Variants in ROBO3 observed in about 807,000 individuals in gnomAD.
The protein encoded by ROBO3 is roundabout homolog 3.
A neutral mutation model predicts 160.5 loss-of-function variants in ROBO3; 97 were observed. The observed-to-expected ratio is 0.60, with a 90% CI of 0.51 to 0.72. The LOEUF (loss-of-function observed/expected upper bound fraction) is 0.72. Ranked by LOEUF, ROBO3 falls within the 30% of genes least tolerant of loss-of-function variation. The pLI is 0.00. For synonymous variants in ROBO3, 780 were observed against 746.2 expected (o/e 1.05, Z -0.74); for missense variants, 1,858 against 1,846.5 (o/e 1.01, Z -0.11).
chr11:124,879,991 GACTGT>G lies in ROBO3; in HGVS notation c.3958+44_3958+48del, dbSNP rs1565316799. 3 of 1,504,110 alleles carry G rather than the reference GACTGT, an allele frequency of 2.0e-6. No homozygotes were observed. The Admixed American group carries it at 6.5e-5, about 32-fold the overall frequency. The allele number at this position is 1,504,110 out of a possible 1,614,324, so 93.2% of individuals were successfully genotyped here. On this transcript the variant is annotated intron_variant, in intron 26 of 27. Transcript: ENST00000397801. ...AGGCAGGAGGGCTGCTGCCACAGGA[GACTGT>G]GGGCTTTGGGACTGGGGGCTGATAG...
Position 124,869,967 on chromosome 11 carries a change from T to C in ROBO3, c.665T>C (p.Met222Thr). 1.2e-6 allele frequency: 2 copies of C among 1,611,186 alleles called. No homozygotes were observed. Among genetic ancestry groups the C allele is most frequent in the Non-Finnish European group, 1.7e-6 (2 of 1,178,622 alleles). ...GRITIRGGKLMMSHTLKSDAG... is the reference protein window; with the variant it reads ...GRITIRGGKLTMSHTLKSDAG... ...CTGCAGATCCGTGGAGGGAAGCTGA[T>C]GATGTCACATACACTCAAGAGCGAT... Residue 222 changes from methionine to threonine, a missense_variant, in exon 4 of 28, where the codon ATG becomes ACG. Met to Thr is a moderately conservative substitution (Grantham distance 81). Transcript: ENST00000397801. The surrounding 1 kb of genome is among the most constrained non-coding windows in gnomAD (Gnocchi z 4.2).
Position 124,873,646 on chromosome 11 carries a change from T to C in ROBO3, c.1619-51T>C. The C allele has an allele frequency of 6.6e-7, 1 of 1,523,362 alleles. No homozygotes were observed. The highest frequency in any genetic ancestry group is 8.9e-7 in the Non-Finnish European group (1 of 1,122,576). 94.4% of individuals were successfully genotyped at this position (1,523,362 alleles called of 1,614,324 possible). On this transcript the variant is annotated intron_variant, in intron 10 of 27. Coordinates refer to ENST00000397801, the MANE Select transcript of ROBO3 (RefSeq NM_022370.4). This position sits in a 1 kb window ranked among gnomAD's most constrained non-coding sequence, Gnocchi z 4.5. ...CCCCTGGTAAGGAGACAGGTTACAC[T>C]AGGATTATCCTTTCCCTATCTTTCT... is the stretch of plus-strand genomic sequence containing the variant.
intron 1 of ROBO3, among the ~76,000 whole-genome samples, chr11:124,867,609 G>A (rs896393773): frequency 6.6e-6 from 1 of 152,140 alleles, no homozygotes; most frequent in Admixed American, 6.5e-5. Flanking sequence ...GACAGAAATC[G>A]ATCTTCTTGA....
rs1194362259 is a variant in ROBO3 at position 124,878,707 on chromosome 11, T to C, written c.3444T>C (p.Tyr1148=). Residue 1148 remains tyrosine (Y), a synonymous_variant, in exon 23 of 28, where the codon TAT becomes TAC. Coordinates refer to ENST00000397801, the MANE Select transcript of ROBO3 (RefSeq NM_022370.4). The surrounding 1 kb of genome is among the most constrained non-coding windows in gnomAD (Gnocchi z 4.3). ...RRETPSPTPS[Y]GQQSTATLTP... ...AAACCCCCTCTCCCACACCTTCCTATGGACAGCAGTCCACAGCCACTCTTA... is the reference window on the plus strand; with the variant it reads ...AAACCCCCTCTCCCACACCTTCCTACGGACAGCAGTCCACAGCCACTCTTA... The C allele has an allele frequency of 8.1e-6, 13 of 1,613,782 alleles. No homozygotes were observed. The highest frequency in any genetic ancestry group is 1.1e-5 in the Non-Finnish European group (13 of 1,179,878).
rs890233045 is a variant in ROBO3 at position 124,873,238 on chromosome 11, G to A, written c.1537-72G>A. On this transcript the variant is annotated intron_variant, in intron 9 of 27. Coordinates refer to ENST00000397801, the MANE Select transcript of ROBO3 (RefSeq NM_022370.4). This position sits in a 1 kb window ranked among gnomAD's most constrained non-coding sequence, Gnocchi z 4.5. ...GTATCCAACATCTTCCCATCCTTCT[G>A]CTACCCGCCTCCACCCCCTCACTGG... 10 of 1,466,548 alleles carry A rather than the reference G, an allele frequency of 6.8e-6. No homozygotes were observed. Among genetic ancestry groups the A allele is most frequent in the Non-Finnish European group, 4.7e-6 (5 of 1,067,124 alleles). The allele number at this position is 1,466,548 out of a possible 1,614,324, so 90.8% of individuals were successfully genotyped here.
In ROBO3 at chr11:124,875,130, T is replaced by C. The variant is rs776460736; in HGVS notation, c.2093T>C (p.Leu698Pro). 2.1e-5 allele frequency: 34 copies of C among 1,609,808 alleles called. No homozygotes were observed. In the African/African-American group the frequency reaches 4.1e-4, roughly 20 times the overall value. Residue 698 changes from leucine to proline, a missense_variant, in exon 14 of 28, where the codon CTG (leucine) becomes CCG (proline). By Grantham distance (98) the Leu-to-Pro change is moderately conservative. Coordinates refer to ENST00000397801, the MANE Select transcript of ROBO3 (RefSeq NM_022370.4). ...VSWTVDGPVQ[L>P]VQGFRVSWRV... ...CCACAGGTGGATGGCCCAGTCCAGC[T>C]GGTGCAAGGTTTCCGGGTGTCTTGG...
chr11:124,875,743 C>T (rs1450135959), intron 15 of ROBO3, 58 bp downstream of exon 15: 2 of 1,551,442 alleles, frequency 1.3e-6, no homozygotes, highest in African/African-American at 2.7e-5. Context: ...AGAGGGAGGA[C>T]CTAGTGGCTA....
In ROBO3 at chr11:124,877,581, C is replaced by A. The variant is rs1946421920; in HGVS notation, c.2909C>A (p.Ser970Tyr). 1 of 1,604,292 alleles carries A rather than the reference C, an allele frequency of 6.2e-7. No homozygotes were observed. The highest frequency in any genetic ancestry group is 8.5e-7 in the Non-Finnish European group (1 of 1,175,968). ...SWLADSWPHP[S>Y]RSPSAQEPRG... ...CTGGCAGATTCGTGGCCCCACCCAT[C>A]TCGAAGCCCCTCGGCCCAGGAACCC... is the stretch of plus-strand genomic sequence containing the variant. Residue 970 changes from serine to tyrosine, a missense_variant, in exon 20 of 28, where the codon TCT (serine) becomes TAT (tyrosine). Transcript: ENST00000397801.
Position 124,873,948 on chromosome 11 carries a change from A to T in ROBO3, c.1784+86A>T. 1 of 1,584,924 alleles carries T rather than the reference A, an allele frequency of 6.3e-7. No homozygotes were observed. The highest frequency in any genetic ancestry group is 8.6e-7 in the Non-Finnish European group (1 of 1,156,736). On this transcript the variant is annotated intron_variant, in intron 11 of 27. Coordinates refer to ENST00000397801, the MANE Select transcript of ROBO3 (RefSeq NM_022370.4). This position sits in a 1 kb window ranked among gnomAD's most constrained non-coding sequence, Gnocchi z 4.5. ...AGGGTCTTTGCTATTGTGAGGTGGG[A>T]TTCTCCAGTACCCTCTTGCAAGGGG...
chr11:124,877,793 C>G (rs1591518555), intron 20 of ROBO3, 135 bp downstream of exon 20: 2 of 1,266,848 alleles, frequency 1.6e-6, no homozygotes, highest in African/African-American at 3.0e-5. Flanking sequence ...GGGGAAGCCT[C>G]TCAGACCTAC....
rs572967242 is a variant in ROBO3, at chr11:124,876,388, G to T, written c.2707G>T (p.Ala903Ser). ...CGCGGGCAGCGGCGCAGCCTGCGGG[G>T]CGCTGCTTCTCGGGCTCTGCGCCGC... ...FLAGSGAACGALLLGLCAALY... is the reference protein window; with the variant it reads ...FLAGSGAACGSLLLGLCAALY... Residue 903 changes from alanine (A) to serine (S), a missense_variant, in exon 17 of 28, where the codon GCG becomes TCG. Physicochemically the swap from Ala to Ser is moderately conservative, Grantham distance 99. Transcript: ENST00000397801. This position sits in a 1 kb window ranked among gnomAD's most constrained non-coding sequence, Gnocchi z 5.3. The T allele has an allele frequency of 9.0e-6, 13 of 1,450,716 alleles. No individual in the cohort carries two copies. The East Asian group carries it at 3.7e-4, about 41-fold the overall frequency. The allele number at this position is 1,450,716 out of a possible 1,614,324, so 89.9% of individuals were successfully genotyped here. A position where few individuals can be genotyped will look rare whatever the true frequency, so the allele number is the denominator to read the frequency against.
rs746652404 is a variant in ROBO3 at position 124,869,533 on chromosome 11, C to T, written c.571C>T (p.Arg191Cys). 3.2e-6 allele frequency: 5 copies of T among 1,562,992 alleles called. No individual in the cohort carries two copies. The highest frequency in any genetic ancestry group is 4.3e-6 in the Non-Finnish European group (5 of 1,153,480). Residue 191 changes from arginine to cysteine, a missense_variant, in exon 3 of 28, where the codon CGC (arginine) becomes TGC (cysteine). By Grantham distance (180) the Arg-to-Cys change is radical. Coordinates refer to ENST00000397801, the MANE Select transcript of ROBO3 (RefSeq NM_022370.4). This position sits in a 1 kb window ranked among gnomAD's most constrained non-coding sequence, Gnocchi z 4.2. ...EPAVLECVPPRGHPEPSVSWR... is the reference protein window; with the variant it reads ...EPAVLECVPPCGHPEPSVSWR... ...AGCAGTACTGGAATGCGTGCCCCCC[C>T]GCGGCCACCCGGAGCCTTCCGTGTC...
Position 124,874,813 on chromosome 11 carries a change from G to A in ROBO3, c.1977G>A (p.Glu659=). 6.2e-7 allele frequency: 1 copy of A among 1,605,920 alleles called. No homozygotes were observed. The highest frequency in any genetic ancestry group is 8.5e-7 in the Non-Finnish European group (1 of 1,176,358). The change falls in exon 13 of 28, where the codon GAG becomes GAA. Residue 659 remains glutamate, a synonymous_variant. Coordinates refer to ENST00000397801, the MANE Select transcript of ROBO3 (RefSeq NM_022370.4). ...TQDSSPSRPV[E]DPWRGQQGLA... is the part of the protein sequence containing the mutation. ...ATAGCAGCCCCTCTAGGCCAGTGGA[G>A]GACCCATGGAGAGGCCAGCAGGGAC...
rs757203430 is a variant in ROBO3, at chr11:124,870,058, C to G, written c.756C>G (p.Val252=). Residue 252 remains valine, a synonymous_variant, in exon 4 of 28, where the codon GTC becomes GTG. Transcript: ENST00000397801. The part of the protein sequence containing the change: ...AGERESAAAE[V]MVLERPSFLR... Reference sequence around the variant, plus strand: ...AACGGGAGAGTGCGGCAGCTGAAGTCATGGTACTGGGTAGGCACAGGGAAT... The same window carrying G: ...AACGGGAGAGTGCGGCAGCTGAAGTGATGGTACTGGGTAGGCACAGGGAAT... 5.0e-6 allele frequency: 8 copies of G among 1,613,982 alleles called. No homozygotes were observed. In the East Asian group the frequency reaches 1.8e-4, roughly 36 times the overall value.
intron 7 of ROBO3, among the ~76,000 whole-genome samples, chr11:124,871,433 C>A (rs1380469902): frequency 6.6e-6 from 1 of 152,164 alleles, no homozygotes; most frequent in African/African-American, 2.4e-5. Context: ...GAGGATGTAA[C>A]AAATTCAGTT....
At chr11:124,867,312 T>A (rs1205190238) in intron 1 of ROBO3, among the ~76,000 whole-genome samples, 3 of 152,098 alleles carry the variant, frequency 2.0e-5, no homozygotes, top group Non-Finnish European at 4.4e-5. Context: ...TTACATACAT[T>A]ATGGTCTTAG....
chr11:124,878,650 T>G lies in ROBO3; in HGVS notation c.3387T>G (p.Ser1129Arg). The G allele has an allele frequency of 6.2e-7, 1 of 1,613,530 alleles. No homozygotes were observed. The highest frequency in any genetic ancestry group is 8.5e-7 in the Non-Finnish European group (1 of 1,179,706). Residue 1129 changes from serine to arginine, a missense_variant, in exon 23 of 28, where the codon AGT becomes AGG. Coordinates refer to ENST00000397801, the MANE Select transcript of ROBO3 (RefSeq NM_022370.4). The surrounding 1 kb of genome is among the most constrained non-coding windows in gnomAD (Gnocchi z 4.3). ...GTCACCTGACGGAGCCCAGCTCCAG[T>G]GGAGGGTGCCTGGTCACCCCATCCC... ...ERSHLTEPSS[S>R]GGCLVTPSRR...
chr11:124,879,095 ATC>A, intron 23 of ROBO3, 93 bp from the exon 24 acceptor site: 1 of 1,373,660 alleles, frequency 7.3e-7, no homozygotes, highest in South Asian at 1.4e-5. Flanking sequence ...TGTCTCGTTT[ATC>A]TGTTAGGTTG....
rs1190072721 is a variant in ROBO3 at position 124,877,630 on chromosome 11, T to C, written c.2958T>C (p.Asn986=). 1 of 1,610,798 alleles carries C rather than the reference T, an allele frequency of 6.2e-7. No homozygotes were observed. The highest frequency in any genetic ancestry group is 1.3e-5 in the African/African-American group (1 of 74,876). The change falls in exon 20 of 28, where the codon AAT becomes AAC. Residue 986 remains asparagine (N), a synonymous_variant. Coordinates refer to ENST00000397801, the MANE Select transcript of ROBO3 (RefSeq NM_022370.4). The part of the protein sequence containing the change: ...QEPRGSCCPS[N]PDPDDRYYNE... ...CCAGGGGAAGCTGCTGCCCTAGCAA[T>C]CCTGACCCGGACGACAGATATTACA...
Sources: gnomAD v4.1 joint callset for allele counts (sites outside exome capture counted in the v4.1 genomes callset) on GRCh38, gnomAD v4.1.1 for gene constraint, Gnocchi (gnomAD v3.1) non-coding constraint, MANE v1.5 for transcripts, NCBI Gene and HGNC (gene_info 2026-07-23, HGNC 2026-07-21) for gene names.